ABCC4: variants seen among roughly 807,000 people sequenced by gnomAD.
ABCC4 encodes the protein ATP-binding cassette sub-family C member 4.
Under a neutral mutation model 168.5 loss-of-function variants are expected in ABCC4, and 102 were observed. The ratio of observed to expected loss-of-function variants is 0.61; its 90% CI spans 0.52 to 0.71. ABCC4 has a LOEUF of 0.71. Among genes scored for constraint, ABCC4 ranks in the 30% least tolerant of loss-of-function variants. The pLI is 0.00. For synonymous variants in ABCC4, 617 were observed against 590.7 expected (o/e 1.04, Z -0.65); for missense variants, 1,402 against 1,605.8 (o/e 0.87, Z 2.17).
intron 8 of ABCC4, among the ~76,000 whole-genome samples, chr13:95,202,341 C>G (rs1322896870): frequency 6.6e-6 from 1 of 152,240 alleles, no homozygotes; most frequent in Non-Finnish European, 1.5e-5. Flanking sequence ...ACCAATCTCT[C>G]TCTGCATGTA....
intron 14 of ABCC4, among the ~76,000 whole-genome samples, chr13:95,167,048 G>T (rs1318714110): frequency 6.6e-6 from 1 of 151,902 alleles, no homozygotes. Flanking sequence ...AATTAGCCGG[G>T]CATCTGTAAT....
At chr13:95,080,360 A>G (rs2034051090) in intron 21 of ABCC4, among the ~76,000 whole-genome samples, 2 of 151,528 alleles carry the variant, frequency 1.3e-5, no homozygotes, top group Non-Finnish European at 2.9e-5. Flanking sequence ...TTGCAAACAT[A>G]AAATGATCAA....
At chr13:95,121,457 C>T (rs1216206157) in intron 19 of ABCC4, among the ~76,000 whole-genome samples, 3 of 146,608 alleles carry the variant, frequency 2.0e-5, no homozygotes, top group Non-Finnish European at 1.5e-5. Flanking sequence ...GAAAAGGTCT[C>T]ACTCTGTTGC....
chr13:95,036,965 TC>T (rs1416602406), intron 29 of ABCC4, among the ~76,000 whole-genome samples: 1 of 150,270 alleles, frequency 6.7e-6, no homozygotes, highest in Non-Finnish European at 1.5e-5. Context: ...GCAACTGTAG[TC>T]CCAGCTACCC....
intron 4 of ABCC4, among the ~76,000 whole-genome samples, chr13:95,226,529 T>C (rs1013017454): frequency 6.6e-6 from 1 of 152,108 alleles, no homozygotes; most frequent in African/African-American, 2.4e-5. Flanking sequence ...TTCAACAAGT[T>C]GTTATCAGGA....
chr13:95,296,406 T>C (rs931268730), intron 1 of ABCC4, among the ~76,000 whole-genome samples: 2 of 152,074 alleles, frequency 1.3e-5, no homozygotes, highest in Non-Finnish European at 2.9e-5. Context: ...ACACCCTTCC[T>C]CTCTAAGCCA....
chr13:95,219,181 G>T (rs2039241383), intron 4 of ABCC4, among the ~76,000 whole-genome samples: 1 of 152,240 alleles, frequency 6.6e-6, no homozygotes. Flanking sequence ...CTGTTCAAAG[G>T]GGGGCCACAT....
intron 19 of ABCC4, among the ~76,000 whole-genome samples, chr13:95,137,658 C>T (rs9652106): frequency 3.3e-5 from 5 of 152,128 alleles, no homozygotes; most frequent in East Asian, 3.8e-4. Context: ...GTCCCTCATT[C>T]GAAAGATGGG....
At chr13:95,133,398 G>T (rs988505285) in intron 19 of ABCC4, among the ~76,000 whole-genome samples, 1 of 152,034 alleles carries the variant, frequency 6.6e-6, no homozygotes, top group Non-Finnish European at 1.5e-5. Flanking sequence ...ACAGGTATGA[G>T]CCACCACACC....
intron 1 of ABCC4, among the ~76,000 whole-genome samples, chr13:95,261,851 G>A (rs962976380): frequency 4.6e-5 from 7 of 151,692 alleles, no homozygotes; most frequent in Admixed American, 2.6e-4. Context: ...TAATACCAGC[G>A]CTTTGGGAGG....
Position 95,186,889 on chromosome 13 carries a change from A to G in ABCC4, c.1357T>C (p.Ser453Pro). Reference sequence around the variant, plus strand: ...TCCCCGAGCACGGCACTTAACAGTGATGACTGAAACAGATTGTAAAAAAGC... The same window carrying G: ...TCCCCGAGCACGGCACTTAACAGTGGTGACTGAAACAGATTGTAAAAAAGC... The part of the protein sequence containing the change: ...VVGPVGAGKS[S>P]LLSAVLGELA... The change falls in exon 11 of 31, where the codon TCA becomes CCA. Residue 453 changes from serine to proline, a missense_variant. By Grantham distance (74) the Ser-to-Pro change is moderately conservative. Around this residue, in one of 3 missense-constraint regions of ABCC4, gnomAD observed 1,007 missense variants for 1,127.3 expected, o/e 0.89. Coordinates refer to ENST00000645237, the MANE Select transcript of ABCC4 (RefSeq NM_005845.5). 1 of 1,608,328 alleles carries G rather than the reference A, an allele frequency of 6.2e-7. No homozygotes were observed. Among genetic ancestry groups the G allele is most frequent in the Admixed American group, 1.7e-5 (1 of 58,984 alleles).
At chr13:95,240,667 T>G (rs9524860) in intron 3 of ABCC4, among the ~76,000 whole-genome samples, 65,128 of 151,628 alleles carry the variant, frequency 0.43, 14,377 homozygotes, top group Non-Finnish European at 0.49. Context: ...AGGCTTAGTA[T>G]TCTATTATAT....
At chr13:95,090,945 G>A (rs1678345) in intron 20 of ABCC4, among the ~76,000 whole-genome samples, 1,844 of 152,134 alleles carry the variant, frequency 0.012, 36 homozygotes, top group African/African-American at 0.041. Context: ...TCAAAAATTC[G>A]AGAGACATTG....
intron 20 of ABCC4, among the ~76,000 whole-genome samples, chr13:95,085,686 G>A (rs968595890): frequency 1.3e-5 from 2 of 152,136 alleles, no homozygotes; most frequent in South Asian, 4.1e-4. Flanking sequence ...CCAGCATCTG[G>A]CCTACTAGGC....
intron 19 of ABCC4, among the ~76,000 whole-genome samples, chr13:95,121,066 A>G (rs1178816621): frequency 6.6e-6 from 1 of 152,214 alleles, no homozygotes; most frequent in Non-Finnish European, 1.5e-5. Context: ...CAGGCCATCA[A>G]CATGGCAGAG....
At position 95,053,120 on chromosome 13, in the gene ABCC4, T is replaced by C. The variant is rs1238460528; in HGVS notation, c.3431A>G (p.Glu1144Gly). 2 of 1,614,112 alleles carry C rather than the reference T, an allele frequency of 1.2e-6. No homozygotes were observed. The highest frequency in any genetic ancestry group is 4.5e-5 in the East Asian group (2 of 44,862). Residue 1144 changes from glutamate (E) to glycine (G), a missense_variant, in exon 27 of 31, where the codon GAG (glutamate) becomes GGG (glycine). Glu to Gly is a moderately conservative substitution (Grantham distance 98). Coordinates refer to ENST00000645237, the MANE Select transcript of ABCC4 (RefSeq NM_005845.5). Reference sequence around the variant, plus strand: ...CTCTTGTAAGGCATTCCACAGTTCCTCATCCGTGTGCTCATTAAAGGGATC... The same window carrying C: ...CTCTTGTAAGGCATTCCACAGTTCCCCATCCGTGTGCTCATTAAAGGGATC... ...NLDPFNEHTD[E>G]ELWNALQEVQ...
chr13:95,246,550 A>G (rs1005174137), intron 3 of ABCC4, among the ~76,000 whole-genome samples: 2 of 152,212 alleles, frequency 1.3e-5, no homozygotes, highest in Non-Finnish European at 2.9e-5. Context: ...AATGTCTTAC[A>G]TTATTCTGGG....
intron 1 of ABCC4, among the ~76,000 whole-genome samples, chr13:95,298,006 G>A (rs1310003627): frequency 6.6e-6 from 1 of 150,998 alleles, no homozygotes; most frequent in African/African-American, 2.4e-5. Context: ...CCCTCAAACT[G>A]GCCCAGGCAC....
intron 8 of ABCC4, among the ~76,000 whole-genome samples, chr13:95,201,627 A>T (rs1450125243): frequency 1.3e-5 from 2 of 152,176 alleles, no homozygotes; most frequent in African/African-American, 4.8e-5. Context: ...ATAAGGGGAA[A>T]ATGAGGACAA....
Sources: gnomAD v4.1 joint callset for allele counts (sites outside exome capture counted in the v4.1 genomes callset) on GRCh38, gnomAD v4.1.1 for gene constraint, gnomAD v4.1.1 regional missense constraint, MANE v1.5 for transcripts, NCBI Gene and HGNC (gene_info 2026-07-23, HGNC 2026-07-21) for gene names.